Variants in DYRK1A observed in about 807,000 individuals in gnomAD.
DYRK1A encodes the protein dual specificity tyrosine-phosphorylation-regulated kinase 1A.
DYRK1A carries 9 observed loss-of-function variants against 79.7 expected under a neutral mutation model. The observed-to-expected ratio is 0.11, with a 90% CI of 0.07 to 0.20. The LOEUF (loss-of-function observed/expected upper bound fraction) is 0.20, where lower values mean the gene tolerates loss of function less well. DYRK1A is among the 10% of genes least tolerant of loss of function. The probability of loss-of-function intolerance (pLI) is 1.00; values close to 1 mark genes in which losing one functional copy is unlikely to be tolerated. For missense variants in DYRK1A, 622 were observed against 956.0 expected, an observed-to-expected ratio of 0.65 and a Z score of 4.61; for synonymous variants, 349 against 329.7, an observed-to-expected ratio of 1.06 and a Z score of -0.63.
rs757452222 is a variant in DYRK1A, at chr21:37,472,689, G to A, written c.16G>A (p.Glu6Lys). The change falls in exon 3 of 12, where the codon GAG (glutamate) becomes AAG (lysine). Residue 6 changes from glutamate (E) to lysine (K), a missense_variant. By Grantham distance (56) the Glu-to-Lys change is moderately conservative. Transcript: ENST00000647188. Reference protein sequence around the residue: MHTGGETSACKPSSVR... With the variant: MHTGGKTSACKPSSVR... ...CCTCACTTATCTTCTTGTAGGAGGA[G>A]AGACTTCAGCATGCAAACCTTCATC... 1 of 1,582,706 alleles carries A rather than the reference G, an allele frequency of 6.3e-7. No homozygotes were observed. Among genetic ancestry groups the A allele is most frequent in the Non-Finnish European group, 8.6e-7 (1 of 1,159,572 alleles).
At chr21:37,448,086 C>CT (rs2051329846) in intron 2 of DYRK1A, among the ~76,000 whole-genome samples, 1 of 152,064 alleles carries the variant, frequency 6.6e-6, no homozygotes, top group Non-Finnish European at 1.5e-5. Flanking sequence ...TTTAGACCAT[C>CT]TTTTTTTACA....
chr21:37,434,197 G>A (rs1008923081), intron 2 of DYRK1A, among the ~76,000 whole-genome samples: 1 of 152,090 alleles, frequency 6.6e-6, no homozygotes, highest in African/African-American at 2.4e-5. Context: ...CTGTCTTAAT[G>A]AAATATACTT....
chr21:37,380,792 T>C (rs1454119928), intron 1 of DYRK1A, among the ~76,000 whole-genome samples: 1 of 152,028 alleles, frequency 6.6e-6, no homozygotes, highest in East Asian at 1.9e-4. Flanking sequence ...ACCACGCTAG[T>C]CACAGGATCT....
intron 2 of DYRK1A, among the ~76,000 whole-genome samples, chr21:37,434,773 A>T (rs557715906): frequency 2.0e-5 from 3 of 152,314 alleles, no homozygotes; most frequent in African/African-American, 7.2e-5. Context: ...TCCACCTGGG[A>T]ATACTTGAGA....
chr21:37,417,357 AT>A (rs958257929), intron 1 of DYRK1A, among the ~76,000 whole-genome samples: 6 of 150,920 alleles, frequency 4.0e-5, no homozygotes, highest in African/African-American at 1.5e-4. Context: ...CGCCCAGCTA[AT>A]TTTTTTTGTA....
intron 2 of DYRK1A, among the ~76,000 whole-genome samples, chr21:37,423,024 A>G (rs1181338309): frequency 6.6e-6 from 1 of 152,166 alleles, no homozygotes; most frequent in Non-Finnish European, 1.5e-5. Flanking sequence ...TTTGGTGAGC[A>G]TTTGCTTTGT....
At chr21:37,472,295 A>G (rs1380099506) in intron 2 of DYRK1A, among the ~76,000 whole-genome samples, 1 of 152,200 alleles carries the variant, frequency 6.6e-6, no homozygotes, top group Non-Finnish European at 1.5e-5. Flanking sequence ...CATCTCAGAA[A>G]TGTTCCTTTG....
At chr21:37,412,544 T>A (rs1014327653) in intron 1 of DYRK1A, among the ~76,000 whole-genome samples, 1 of 152,150 alleles carries the variant, frequency 6.6e-6, no homozygotes, top group Non-Finnish European at 1.5e-5. Context: ...CTAGAGTTTA[T>A]GACATAACCA....
At chr21:37,441,014 A>G (rs2051085989) in intron 2 of DYRK1A, among the ~76,000 whole-genome samples, 1 of 152,100 alleles carries the variant, frequency 6.6e-6, no homozygotes, top group Admixed American at 6.6e-5. Flanking sequence ...ATCTCTTAAT[A>G]TAATTGTGTC....
intron 2 of DYRK1A, among the ~76,000 whole-genome samples, chr21:37,454,041 C>G (rs1054609752): frequency 6.7e-6 from 1 of 148,672 alleles, no homozygotes; most frequent in Admixed American, 6.7e-5. Context: ...ATACTTGAGT[C>G]CTCAATCTCC....
At chr21:37,453,947 T>C (rs2051544768) in intron 2 of DYRK1A, among the ~76,000 whole-genome samples, 1 of 152,132 alleles carries the variant, frequency 6.6e-6, no homozygotes, top group South Asian at 2.1e-4. Flanking sequence ...TTAGCATTAT[T>C]ATATTTGGAG....
intron 1 of DYRK1A, chr21:37,420,062 G>A (rs1035885973): frequency 1.9e-5 from 4 of 209,834 alleles, no homozygotes; most frequent in Non-Finnish European, 3.8e-5. Flanking sequence ...CGTGGTAATA[G>A]GCACATTTTG....
At chr21:37,463,197 TTGGCAC>T (rs2051903939) in intron 2 of DYRK1A, among the ~76,000 whole-genome samples, 2 of 123,492 alleles carry the variant, frequency 1.6e-5, no homozygotes, top group South Asian at 3.0e-4. Flanking sequence ...GTGTTTAATG[TTGGCAC>T]GTGTGTGTGT....
rs1390713621 is a variant in DYRK1A, at chr21:37,523,011, T to TTAG, written c.*10482_*10484dup. 2 of 152,438 alleles carry TTAG rather than the reference T, an allele frequency of 1.3e-5. No homozygotes were observed. The highest frequency in any genetic ancestry group is 1.5e-5 in the Non-Finnish European group (1 of 68,242). The allele number at this position is 152,438 out of a possible 1,614,324, so 9.4% of individuals were successfully genotyped here. A position where few individuals can be genotyped will look rare whatever the true frequency, so the allele number is the denominator to read the frequency against. ...AGTCCCCTCTTGCTTCTCCCACATG[T>TTAG]TAGTCTTCATAGATTAGTCTTCATC... is the stretch of plus-strand genomic sequence containing the variant. On this transcript the variant is annotated 3_prime_UTR_variant, in exon 12 of 12. Coordinates refer to ENST00000647188, the MANE Select transcript of DYRK1A (RefSeq NM_001347721.2).
intron 2 of DYRK1A, among the ~76,000 whole-genome samples, chr21:37,449,324 G>A (rs2051370399): frequency 6.6e-6 from 1 of 152,168 alleles, no homozygotes; most frequent in Non-Finnish European, 1.5e-5. Flanking sequence ...CCATATAATA[G>A]TCCAATGACT....
At chr21:37,393,050 C>G (rs2049899606) in intron 1 of DYRK1A, among the ~76,000 whole-genome samples, 3 of 152,260 alleles carry the variant, frequency 2.0e-5, no homozygotes, top group Non-Finnish European at 4.4e-5. Flanking sequence ...AAATCCTCAT[C>G]TCCCAGCACT....
chr21:37,443,611 T>C (rs1475713315), intron 2 of DYRK1A, among the ~76,000 whole-genome samples: 1 of 152,212 alleles, frequency 6.6e-6, no homozygotes, highest in Non-Finnish European at 1.5e-5. Context: ...TGTTTAATGA[T>C]AATTATTCTT....
chr21:37,396,122 G>C (rs1233913733), intron 1 of DYRK1A, among the ~76,000 whole-genome samples: 3 of 152,082 alleles, frequency 2.0e-5, no homozygotes, highest in African/African-American at 7.2e-5. Context: ...CTGTGCCCTT[G>C]TCCTCTAGGA....
chr21:37,397,285 T>C (rs1245839172), intron 1 of DYRK1A, among the ~76,000 whole-genome samples: 1 of 152,230 alleles, frequency 6.6e-6, no homozygotes, highest in East Asian at 1.9e-4. Context: ...AGTATATTTC[T>C]GGGGACCCTT....
Sources: allele counts gnomAD v4.1 joint callset (sites outside exome capture counted in the v4.1 genomes callset), GRCh38; gene constraint gnomAD v4.1.1; transcripts MANE v1.5; gene names NCBI Gene and HGNC (gene_info 2026-07-23, HGNC 2026-07-21).